Variants in NRG3 observed in about 807,000 individuals in gnomAD.
NRG3 encodes pro-neuregulin-3, membrane-bound isoform.
A neutral mutation model predicts 66.9 loss-of-function variants in NRG3; 31 were observed. The ratio of observed to expected loss-of-function variants is 0.46; its 90% CI spans 0.35 to 0.63. The LOEUF (loss-of-function observed/expected upper bound fraction) is 0.63. Ranked by LOEUF, NRG3 falls within the 20% of genes least tolerant of loss-of-function variation. The probability of loss-of-function intolerance (pLI) is 0.00; values close to 1 mark genes in which losing one functional copy is unlikely to be tolerated. For missense variants in NRG3, 910 were observed against 878.9 expected (o/e 1.04, Z -0.45); for synonymous variants, 393 against 359.4 (o/e 1.09, Z -1.06).
chr10:82,112,656 A>C (rs1295888085), intron 1 of NRG3, among the ~76,000 whole-genome samples: 1 of 152,188 alleles, frequency 6.6e-6, no homozygotes, highest in Non-Finnish European at 1.5e-5. Context: ...GAATTATGAC[A>C]CATCTATTAT....
At chr10:82,566,759 A>C (rs1467869575) in intron 2 of NRG3, among the ~76,000 whole-genome samples, 1 of 151,986 alleles carries the variant, frequency 6.6e-6, no homozygotes, top group East Asian at 1.9e-4. Flanking sequence ...GTGATAGATT[A>C]ACTTACCAAG....
intron 1 of NRG3, among the ~76,000 whole-genome samples, chr10:82,320,064 T>G (rs1589708967): frequency 6.6e-6 from 1 of 152,302 alleles, no homozygotes; most frequent in East Asian, 1.9e-4. Context: ...TCGTGTGTCA[T>G]CTAATAGGCA....
intron 1 of NRG3, among the ~76,000 whole-genome samples, chr10:82,197,381 G>C (rs1354283064): frequency 6.6e-6 from 1 of 152,138 alleles, no homozygotes; most frequent in Non-Finnish European, 1.5e-5. Flanking sequence ...GCTCCAGGGT[G>C]CTTTCTGTAT....
chr10:82,010,611 G>A (rs1302671778), intron 1 of NRG3, among the ~76,000 whole-genome samples: 1 of 152,140 alleles, frequency 6.6e-6, no homozygotes, highest in Admixed American at 6.5e-5. Context: ...CCATAAACAG[G>A]AAAGGTTCCA....
intron 1 of NRG3, among the ~76,000 whole-genome samples, chr10:81,951,609 A>G (rs28515763): frequency 0.013 from 1,951 of 152,212 alleles, 48 homozygotes; most frequent in African/African-American, 0.045. Context: ...TCTCTAACCT[A>G]TTGGGGTCCA....
chr10:82,600,216 T>C (rs191326959), intron 2 of NRG3, among the ~76,000 whole-genome samples: 20 of 152,262 alleles, frequency 1.3e-4, no homozygotes, highest in Admixed American at 1.2e-3. Flanking sequence ...CAGGGGGAAA[T>C]GAACACAGCT....
intron 1 of NRG3, among the ~76,000 whole-genome samples, chr10:82,064,910 TA>T (rs148154347): frequency 0.052 from 7,881 of 152,302 alleles, 689 homozygotes; most frequent in African/African-American, 0.18. Context: ...AAGATACTCT[TA>T]AATACCCATA....
chr10:82,386,018 GA>G (rs1204193748), intron 2 of NRG3, among the ~76,000 whole-genome samples: 1 of 151,738 alleles, frequency 6.6e-6, no homozygotes. Flanking sequence ...TCAGTTGAAG[GA>G]AAAAAAATCA....
At chr10:82,496,323 G>C (rs1029121757) in intron 2 of NRG3, among the ~76,000 whole-genome samples, 5 of 152,170 alleles carry the variant, frequency 3.3e-5, no homozygotes, top group Non-Finnish European at 7.3e-5. Flanking sequence ...TATTTCATAA[G>C]CCTAGTAATA....
intron 1 of NRG3, among the ~76,000 whole-genome samples, chr10:81,904,675 G>C (rs1275787332): frequency 6.6e-6 from 1 of 152,068 alleles, no homozygotes; most frequent in Non-Finnish European, 1.5e-5. Context: ...TCATTTCTCA[G>C]ATAAATCAGC....
chr10:82,027,958 T>G (rs951112618), intron 1 of NRG3, among the ~76,000 whole-genome samples: 11 of 152,130 alleles, frequency 7.2e-5, no homozygotes, highest in Non-Finnish European at 7.4e-5. Context: ...TTGACTCTTT[T>G]GTCCCATCCA....
chr10:82,065,205 G>GTGATAA (rs1256995510), intron 1 of NRG3, among the ~76,000 whole-genome samples: 1 of 152,100 alleles, frequency 6.6e-6, no homozygotes, highest in African/African-American at 2.4e-5. Context: ...GGAATTGAGA[G>GTGATAA]TGATAATGAA....
intron 2 of NRG3, among the ~76,000 whole-genome samples, chr10:82,515,268 C>T (rs184581502): frequency 3.9e-5 from 6 of 152,250 alleles, no homozygotes; most frequent in South Asian, 2.1e-4. Flanking sequence ...AACAACAACA[C>T]GCACAAAATA....
chr10:82,979,106 G>A lies in NRG3; in HGVS notation c.1569G>A (p.Thr523=), dbSNP rs201130477. ...LEESRIPDQD[T]IPCQGYSSSG... is the part of the protein sequence containing the mutation. Reference sequence around the variant, plus strand: ...AATCAAGGATCCCAGACCAGGATACGATACCTTGCCAAGGGTAGGTCTTAA... The same window carrying A: ...AATCAAGGATCCCAGACCAGGATACAATACCTTGCCAAGGGTAGGTCTTAA... The change falls in exon 8 of 9, where the codon ACG becomes ACA. Residue 523 remains threonine, a synonymous_variant. Coordinates refer to ENST00000372141, the MANE Select transcript of NRG3 (RefSeq NM_001010848.4). 8.1e-6 allele frequency: 13 copies of A among 1,613,856 alleles called. No homozygotes were observed. Among genetic ancestry groups the A allele is most frequent in the Admixed American group, 5.0e-5 (3 of 59,984 alleles).
At chr10:82,119,361 A>G (rs532453344) in intron 1 of NRG3, among the ~76,000 whole-genome samples, 12 of 152,218 alleles carry the variant, frequency 7.9e-5, no homozygotes, top group African/African-American at 2.4e-4. Flanking sequence ...AGCTCCCTGA[A>G]TATTTTTACT....
At chr10:82,714,275 T>C (rs1351441175) in intron 2 of NRG3, among the ~76,000 whole-genome samples, 1 of 151,972 alleles carries the variant, frequency 6.6e-6, no homozygotes, top group African/African-American at 2.4e-5. Context: ...TTATCAAGAA[T>C]ACAATATATT....
At chr10:82,787,978 C>T (rs570775545) in intron 3 of NRG3, among the ~76,000 whole-genome samples, 52 of 152,102 alleles carry the variant, frequency 3.4e-4, no homozygotes, top group Non-Finnish European at 6.3e-4. Flanking sequence ...ACTAACTCAT[C>T]AAATGAAAAA....
chr10:82,477,755 A>G (rs570407827), intron 2 of NRG3, among the ~76,000 whole-genome samples: 1 of 152,330 alleles, frequency 6.6e-6, no homozygotes, highest in South Asian at 2.1e-4. Context: ...GAGATCAGTT[A>G]GGGAACATAG....
intron 1 of NRG3, among the ~76,000 whole-genome samples, chr10:82,185,213 A>G (rs1304013727): frequency 1.3e-5 from 2 of 152,030 alleles, no homozygotes; most frequent in African/African-American, 2.4e-5. Context: ...GAAACAAAAG[A>G]AAAAAAATTC....
Sources: allele counts gnomAD v4.1 joint callset (sites outside exome capture counted in the v4.1 genomes callset), GRCh38; gene constraint gnomAD v4.1.1; transcripts MANE v1.5; gene names NCBI Gene and HGNC (gene_info 2026-07-23, HGNC 2026-07-21).